HDAC9: variants seen among roughly 807,000 people sequenced by gnomAD.
The protein encoded by HDAC9 is histone deacetylase 9, also known as MEF-2 interacting transcription repressor (MITR) protein.
In HDAC9, 41 loss-of-function variants were observed where a neutral mutation model predicts 139.4. The observed-to-expected ratio is 0.29, with a 90% CI of 0.23 to 0.38. The LOEUF is 0.38. HDAC9 is among the 10% of genes least tolerant of loss of function. The pLI is 1.00. For missense variants in HDAC9, 1,147 were observed against 1,297.0 expected (o/e 0.88, Z 1.78); for synonymous variants, 517 against 476.2 (o/e 1.09, Z -1.12).
At chr7:18,969,939 C>A (rs1485942127) in intron 24 of HDAC9, among the ~76,000 whole-genome samples, 1 of 152,094 alleles carries the variant, frequency 6.6e-6, no homozygotes, top group Non-Finnish European at 1.5e-5. Flanking sequence ...AAAATAGTTA[C>A]TCATTTCAGT....
intron 2 of HDAC9, among the ~76,000 whole-genome samples, chr7:18,242,127 C>G (rs1794228353): frequency 6.6e-6 from 1 of 151,638 alleles, no homozygotes. Context: ...CTTGTCATTC[C>G]CCAATACACA....
At chr7:18,925,446 G>T (rs1200822900) in intron 22 of HDAC9, among the ~76,000 whole-genome samples, 2 of 152,088 alleles carry the variant, frequency 1.3e-5, no homozygotes, top group Non-Finnish European at 2.9e-5. Context: ...GAACACCTTT[G>T]CTTGGCTCAT....
At chr7:18,091,448 G>A (rs745724484) in intron 1 of HDAC9, among the ~76,000 whole-genome samples, 2 of 152,174 alleles carry the variant, frequency 1.3e-5, no homozygotes, top group African/African-American at 2.4e-5. Context: ...GTGATGACTG[G>A]AATTTGAAGT....
intron 2 of HDAC9, among the ~76,000 whole-genome samples, chr7:18,264,624 A>G (rs937411881): frequency 6.6e-6 from 1 of 152,220 alleles, no homozygotes; most frequent in Admixed American, 6.5e-5. Context: ...GAGGGACATT[A>G]AAAGGCTAAC....
At chr7:18,262,642 A>G (rs1020981503) in intron 2 of HDAC9, among the ~76,000 whole-genome samples, 8 of 152,334 alleles carry the variant, frequency 5.3e-5, no homozygotes, top group East Asian at 3.9e-4. Flanking sequence ...TTAAAATACA[A>G]TGACATTAAA....
chr7:18,274,386 A>G (rs1158390370), intron 2 of HDAC9, among the ~76,000 whole-genome samples: 1 of 152,146 alleles, frequency 6.6e-6, no homozygotes, highest in East Asian at 1.9e-4. Flanking sequence ...AATGCAAGAG[A>G]GCAAATCAGA....
chr7:18,936,382 G>A (rs1422620344), intron 23 of HDAC9, among the ~76,000 whole-genome samples: 1 of 152,182 alleles, frequency 6.6e-6, no homozygotes, highest in African/African-American at 2.4e-5. Context: ...TACAGATGGT[G>A]AGAATGAGTC....
At chr7:18,393,140 A>G (rs1049323259) in intron 1 of HDAC9, among the ~76,000 whole-genome samples, 10 of 151,802 alleles carry the variant, frequency 6.6e-5, no homozygotes, top group Non-Finnish European at 1.5e-4. Flanking sequence ...TTTTTTTTAA[A>G]AAAACATAAA....
At chr7:18,521,471 G>A (rs929366486) in intron 2 of HDAC9, among the ~76,000 whole-genome samples, 2 of 152,096 alleles carry the variant, frequency 1.3e-5, no homozygotes, top group Admixed American at 6.6e-5. Flanking sequence ...GTGTCCAGTC[G>A]TCCATCTATT....
chr7:18,155,747 T>G (rs900681100), intron 1 of HDAC9, among the ~76,000 whole-genome samples: 1 of 152,030 alleles, frequency 6.6e-6, no homozygotes, highest in African/African-American at 2.4e-5. Flanking sequence ...ACTCTAAGGG[T>G]GAAGTCAGCA....
chr7:18,725,188 GA>G (rs145946687), intron 12 of HDAC9, among the ~76,000 whole-genome samples: 1 of 151,876 alleles, frequency 6.6e-6, no homozygotes, highest in Non-Finnish European at 1.5e-5. Context: ...TTCTTAATCA[GA>G]AAAAAATGAA....
At chr7:18,310,412 T>C (rs546878143) in intron 1 of HDAC9, among the ~76,000 whole-genome samples, 3 of 152,300 alleles carry the variant, frequency 2.0e-5, no homozygotes, top group South Asian at 2.1e-4. Flanking sequence ...ATGTGTGTCC[T>C]GAAACTGAAT....
At chr7:18,591,874 CAG>C (rs1212873418) in intron 5 of HDAC9, among the ~76,000 whole-genome samples, 1 of 152,078 alleles carries the variant, frequency 6.6e-6, no homozygotes, top group Non-Finnish European at 1.5e-5. Flanking sequence ...AGGTACATAA[CAG>C]AGAGAAGTGC....
At chr7:18,977,959 C>G (rs1430745237) in intron 25 of HDAC9, among the ~76,000 whole-genome samples, 1 of 140,492 alleles carries the variant, frequency 7.1e-6, no homozygotes, top group South Asian at 2.3e-4. Context: ...CACACACACA[C>G]AGAAAGAGAG....
chr7:18,152,251 C>T (rs1356278353), intron 1 of HDAC9, among the ~76,000 whole-genome samples: 1 of 152,148 alleles, frequency 6.6e-6, no homozygotes, highest in African/African-American at 2.4e-5. Context: ...TCACTCATCC[C>T]TAGTGACCCT....
chr7:18,706,735 A>G (rs1432928568), intron 12 of HDAC9, among the ~76,000 whole-genome samples: 1 of 152,186 alleles, frequency 6.6e-6, no homozygotes, highest in African/African-American at 2.4e-5. Flanking sequence ...TAAACATCTT[A>G]CAATATATAG....
chr7:18,629,831 CAAG>C (rs1218143776), intron 7 of HDAC9, among the ~76,000 whole-genome samples: 1 of 151,972 alleles, frequency 6.6e-6, no homozygotes, highest in African/African-American at 2.4e-5. Flanking sequence ...GAGGGAGGTC[CAAG>C]AAGAACACTT....
intron 22 of HDAC9, among the ~76,000 whole-genome samples, chr7:18,933,838 C>T (rs578199704): frequency 1.1e-4 from 17 of 151,954 alleles, no homozygotes; most frequent in African/African-American, 3.9e-4. Flanking sequence ...CGAAATAGAA[C>T]AAAATTGGAA....
chr7:18,149,308 A>G (rs923549474), intron 1 of HDAC9, among the ~76,000 whole-genome samples: 1 of 150,582 alleles, frequency 6.6e-6, no homozygotes, highest in Non-Finnish European at 1.5e-5. Context: ...GTAGTTAATT[A>G]TAATATTTAA....
Sources: allele counts gnomAD v4.1 joint callset (sites outside exome capture counted in the v4.1 genomes callset), GRCh38; gene constraint gnomAD v4.1.1; transcripts MANE v1.5; gene names NCBI Gene and HGNC (gene_info 2026-07-23, HGNC 2026-07-21).